The following ZNF235 variants were observed in gnomAD, a reference collection of about 807,000 sequenced individuals.
The protein encoded by ZNF235 is zinc finger protein 235, also known as zfp-93.
ZNF235 carries 25 observed loss-of-function variants against 29.4 expected under a neutral mutation model. The observed-to-expected ratio is 0.85, with a 90% CI of 0.62 to 1.19. The LOEUF (loss-of-function observed/expected upper bound fraction) is 1.19, where lower values mean the gene tolerates loss of function less well. ZNF235 is among the 50% of genes most tolerant of loss of function. The pLI is 0.00. For missense variants in ZNF235, 788 were observed against 885.0 expected, an observed-to-expected ratio of 0.89 and a Z score of 1.39; for synonymous variants, 300 against 295.3, an observed-to-expected ratio of 1.02 and a Z score of -0.16.
chr19:44,300,366 A>C (rs1035012129), intron 2 of ZNF235, among the ~76,000 whole-genome samples: 1 of 152,212 alleles, frequency 6.6e-6, no homozygotes, highest in Non-Finnish European at 1.5e-5. Context: ...AACTCTTATT[A>C]TCATCACCAT....
Position 44,289,202 on chromosome 19 carries a change from AGG to A in ZNF235, c.239-8_239-7del. 6.2e-7 allele frequency: 1 copy of A among 1,604,650 alleles called. No individual in the cohort carries two copies. Among genetic ancestry groups the A allele is most frequent in the Admixed American group, 1.7e-5 (1 of 58,976 alleles). On this transcript the variant is annotated splice_region_variant and splice_polypyrimidine_tract_variant and intron_variant, in intron 4 of 4. Coordinates refer to ENST00000291182, the MANE Select transcript of ZNF235 (RefSeq NM_004234.4). ...CTCATTTTGATTCCTGTCTCCTGAA[AGG>A]ATAGAGAGAATAAGGAATAAAGGAC...
At position 44,303,472 on chromosome 19, in the gene ZNF235, C is replaced by T; in HGVS notation, c.-48-20G>A. 6.3e-7 allele frequency: 1 copy of T among 1,590,524 alleles called. No homozygotes were observed. The highest frequency in any genetic ancestry group is 8.6e-7 in the Non-Finnish European group (1 of 1,165,484). Reference sequence around the variant, plus strand: ...GTGAACCTGAGGGAGGGAAAGGCATCATGAGATAGGTTAGGGATGGCATTA... The same window carrying T: ...GTGAACCTGAGGGAGGGAAAGGCATTATGAGATAGGTTAGGGATGGCATTA... On this transcript the variant is annotated intron_variant, in intron 1 of 4. Transcript: ENST00000291182.
At chr19:44,303,304 T>C in intron 2 of ZNF235, 86 bp downstream of exon 2, 1 of 1,473,944 alleles carries the variant, frequency 6.8e-7, no homozygotes, top group Non-Finnish European at 9.5e-7. Flanking sequence ...TTCGTTCCCT[T>C]TTACTGTTCC....
intron 2 of ZNF235, among the ~76,000 whole-genome samples, chr19:44,300,530 G>A (rs554361033): frequency 2.6e-5 from 4 of 152,128 alleles, no homozygotes; most frequent in East Asian, 1.9e-4. Flanking sequence ...TAGCCAGCTC[G>A]TATGGTTATT....
At chr19:44,300,732 C>CG (rs1236789884) in intron 2 of ZNF235, among the ~76,000 whole-genome samples, 1 of 150,622 alleles carries the variant, frequency 6.6e-6, no homozygotes, top group African/African-American at 2.5e-5. Flanking sequence ...CCCAGCTACT[C>CG]GGGGGGCTGA....
intron 4 of ZNF235, among the ~76,000 whole-genome samples, chr19:44,297,509 G>A (rs1271916006): frequency 6.6e-6 from 1 of 152,138 alleles, no homozygotes; most frequent in Non-Finnish European, 1.5e-5. Flanking sequence ...TGTTGTCCAG[G>A]CTGGAGTGCA....
chr19:44,304,825 G>A, intron 1 of ZNF235, 146 bp downstream of exon 1: 5 of 985,472 alleles, frequency 5.1e-6, no homozygotes, highest in South Asian at 9.4e-5. Flanking sequence ...TTCTGCCGAG[G>A]GGACGCAAAC....
Position 44,288,106 on chromosome 19 carries a change from G to A in ZNF235, c.1329C>T (p.Ser443=), listed in dbSNP as rs747208832. 1 of 1,614,082 alleles carries A rather than the reference G, an allele frequency of 6.2e-7. No homozygotes were observed. The highest frequency in any genetic ancestry group is 1.1e-5 in the South Asian group (1 of 91,080). ...CTCTCTGATGGGTATGAAGATTTGAGCTACAACTAAAGCGTTTACCACAAT... is the reference window on the plus strand; with the variant it reads ...CTCTCTGATGGGTATGAAGATTTGAACTACAACTAAAGCGTTTACCACAAT... The part of the protein sequence containing the change: ...CGDCGKRFSC[S]SNLHTHQRVH... The change falls in exon 5 of 5, where the codon AGC becomes AGT. Residue 443 remains serine, a synonymous_variant. Transcript: ENST00000291182.
In ZNF235 at chr19:44,299,692, TCAGTGAAGGCCACAG is replaced by T. The variant is rs1975707121; in HGVS notation, c.41_55del (p.Ala14_Thr18del). The T allele has an allele frequency of 6.2e-7, 1 of 1,613,982 alleles. No homozygotes were observed. The highest frequency in any genetic ancestry group is 8.5e-7 in the Non-Finnish European group (1 of 1,180,010). ...AGAGTCCAGCAGCCCCAGCTCCTCC[TCAGTGAAGGCCACAG>T]CCACATCCTTGAATGTCACTGCCTC... On this transcript the variant is annotated inframe_deletion, in exon 3 of 5. Transcript: ENST00000291182.
At chr19:44,303,675 GCTCT>G (rs575068982) in intron 1 of ZNF235, among the ~76,000 whole-genome samples, 59 of 152,250 alleles carry the variant, frequency 3.9e-4, no homozygotes, top group East Asian at 1.5e-3. Flanking sequence ...ATCAAATACA[GCTCT>G]CTGTGTACTC....
chr19:44,302,992 A>ATG (rs1491147500), intron 2 of ZNF235, among the ~76,000 whole-genome samples: 2 of 129,604 alleles, frequency 1.5e-5, no homozygotes, highest in Non-Finnish European at 3.1e-5. Flanking sequence ...TTATATATAA[A>ATG]TATATACATA....
At position 44,287,313 on chromosome 19, in the gene ZNF235, C is replaced by A. The variant is rs1975500477; in HGVS notation, c.2122G>T (p.Glu708Ter). The A allele has an allele frequency of 3.7e-6, 6 of 1,614,074 alleles. No homozygotes were observed. The highest frequency in any genetic ancestry group is 5.1e-6 in the Non-Finnish European group (6 of 1,179,930). ...FHTHQRVHTG[E>*]RPYICDVCCK... ...CAGACATCACATATGTAAGGCCTCT[C>A]TCCAGTGTGGACTCTCTGGTGTGTG... Residue 708 changes from glutamate (E) to a stop codon, truncating the protein, a stop_gained, in exon 5 of 5, where the codon GAG (glutamate) becomes TAG (stop). Transcript: ENST00000291182. LOFTEE classifies it high-confidence loss of function.
chr19:44,300,610 C>G (rs1046904941), intron 2 of ZNF235, among the ~76,000 whole-genome samples: 5 of 151,898 alleles, frequency 3.3e-5, no homozygotes, highest in Non-Finnish European at 5.9e-5. Flanking sequence ...GAGGTCGAGA[C>G]GGGCAGATCA....
At chr19:44,301,963 T>G (rs985479166) in intron 2 of ZNF235, among the ~76,000 whole-genome samples, 2 of 152,222 alleles carry the variant, frequency 1.3e-5, no homozygotes, top group African/African-American at 4.8e-5. Context: ...CTATAAGACT[T>G]TTAAACTAAG....
chr19:44,298,925 G>A lies in ZNF235; in HGVS notation c.143-22C>T, dbSNP rs16978912. The A allele has an allele frequency of 1.9e-6, 3 of 1,583,284 alleles. No individual in the cohort carries two copies. The East Asian group carries it at 6.7e-5, about 35-fold the overall frequency. On this transcript the variant is annotated intron_variant, in intron 3 of 4. Coordinates refer to ENST00000291182, the MANE Select transcript of ZNF235 (RefSeq NM_004234.4). ...TGTCCTATAAAAAGATAGTATTTAA[G>A]TGAAAATGTTAAAGGCAAAGAGTAC... is the stretch of plus-strand genomic sequence containing the variant.
Position 44,301,773 on chromosome 19 carries a change from T to A in ZNF235, c.15+1617A>T, listed in dbSNP as rs572251382. Among the ~76,000 whole-genome samples the A allele has an allele frequency of 3.9e-5, 6 of 152,278 alleles. No homozygotes were observed. The South Asian group carries it at 1.2e-3, about 32-fold the overall frequency. Reference sequence around the variant, plus strand: ...CCACTGTGCCTGGCCTTCACCCAAATGGAACACCTGAAACTTCTGGCTTAG... The same window carrying A: ...CCACTGTGCCTGGCCTTCACCCAAAAGGAACACCTGAAACTTCTGGCTTAG... On this transcript the variant is annotated intron_variant, in intron 2 of 4. Transcript: ENST00000291182.
At position 44,289,138 on chromosome 19, in the gene ZNF235, T is replaced by C; in HGVS notation, c.297A>G (p.Ser99=). The C allele has an allele frequency of 6.2e-7, 1 of 1,614,104 alleles. No homozygotes were observed. The highest frequency in any genetic ancestry group is 1.1e-5 in the South Asian group (1 of 91,088). ...TTTGCCAGCATGAAAGCTCTCCCAG[T>C]GAAAAGCACCTTAATCCTGCTTTGT... ...TLHKAGLRCF[S]LGELSCWQIK... is the part of the protein sequence containing the mutation. The change falls in exon 5 of 5, where the codon TCA becomes TCG. Residue 99 remains serine (S), a synonymous_variant. Coordinates refer to ENST00000291182, the MANE Select transcript of ZNF235 (RefSeq NM_004234.4).
chr19:44,287,968 A>G lies in ZNF235; in HGVS notation c.1467T>C (p.Cys489=). Residue 489 remains cysteine, a synonymous_variant, in exon 5 of 5, where the codon TGT becomes TGC. Transcript: ENST00000291182. The part of the protein sequence containing the change: ...RVHTGEKPYK[C]EECGKGFSSA... ...AACTAAAACCCTTACCACACTCTTC[A>G]CATTTATATGGTTTTTCTCCTGTGT... 6.2e-7 allele frequency: 1 copy of G among 1,614,032 alleles called. No homozygotes were observed. The highest frequency in any genetic ancestry group is 8.5e-7 in the Non-Finnish European group (1 of 1,180,030).
rs1003177856 is a variant in ZNF235 at position 44,289,727 on chromosome 19, T to C, written c.239-531A>G. 3.3e-5 allele frequency: 5 copies of C among 152,186 alleles called. No homozygotes were observed. In the South Asian group the frequency reaches 1.0e-3, roughly 32 times the overall value. The allele number at this position is 152,186 out of a possible 1,614,324, so 9.4% of individuals were successfully genotyped here. The stretch of plus-strand genomic sequence containing the variant: ...TCAGTAAGTACTTAGAAAGGAAAAA[T>C]TGACTTCTTTGCCTATAAGAATGGT... On this transcript the variant is annotated intron_variant, in intron 4 of 4. Coordinates refer to ENST00000291182, the MANE Select transcript of ZNF235 (RefSeq NM_004234.4).
Sources: gnomAD v4.1 joint callset for allele counts (sites outside exome capture counted in the v4.1 genomes callset) on GRCh38, gnomAD v4.1.1 for gene constraint, MANE v1.5 for transcripts, NCBI Gene and HGNC (gene_info 2026-07-23, HGNC 2026-07-21) for gene names.